Variants in PPARG observed in about 807,000 individuals in gnomAD.
PPARG encodes the protein peroxisome proliferator-activated receptor gamma.
A neutral mutation model predicts 39.2 loss-of-function variants in PPARG; 17 were observed. The ratio of observed to expected loss-of-function variants is 0.43; its 90% CI spans 0.30 to 0.65. The LOEUF (loss-of-function observed/expected upper bound fraction) is 0.65, where lower values mean the gene tolerates loss of function less well. Ranked by LOEUF, PPARG falls within the 30% of genes least tolerant of loss-of-function variation. The pLI, the probability that PPARG is intolerant of heterozygous loss-of-function variation, is 0.13. For missense variants in PPARG, 406 were observed against 585.9 expected (o/e 0.69, Z 3.17); for synonymous variants, 223 against 215.7 (o/e 1.03, Z -0.30).
intron 7 of PPARG, among the ~76,000 whole-genome samples, chr3:12,419,596 G>T (rs1414801736): frequency 4.0e-5 from 6 of 151,888 alleles, no homozygotes; most frequent in African/African-American, 1.5e-4. Context: ...AGCCTCCCTA[G>T]TAGCTGGGAT....
At chr3:12,422,970 A>T (rs960892712) in intron 7 of PPARG, among the ~76,000 whole-genome samples, 2 of 152,192 alleles carry the variant, frequency 1.3e-5, no homozygotes, top group African/African-American at 4.8e-5. Flanking sequence ...TCCTTAAGAC[A>T]CCATTTTAAT....
intron 7 of PPARG, among the ~76,000 whole-genome samples, chr3:12,420,373 G>C (rs1188022060): frequency 6.6e-6 from 1 of 152,222 alleles, no homozygotes; most frequent in Non-Finnish European, 1.5e-5. Context: ...CAGCTAAGCA[G>C]GAGGCTTTCA....
At chr3:12,410,799 A>G (rs1039570253) in intron 6 of PPARG, among the ~76,000 whole-genome samples, 2 of 152,228 alleles carry the variant, frequency 1.3e-5, no homozygotes, top group African/African-American at 4.8e-5. Flanking sequence ...AATGGCCATC[A>G]AACCCAGTGA....
At chr3:12,371,882 G>T in intron 2 of PPARG, 2 of 700,328 alleles carry the variant, frequency 2.9e-6, no homozygotes, top group Non-Finnish European at 5.3e-6. Context: ...TCTGGATGTC[G>T]CTGTCATGAT....
intron 2 of PPARG, among the ~76,000 whole-genome samples, chr3:12,336,904 C>T (rs113772222): frequency 6.6e-6 from 1 of 152,196 alleles, no homozygotes; most frequent in Admixed American, 6.5e-5. Flanking sequence ...GAATAGGGTA[C>T]TCTCCTGAAG....
At chr3:12,319,440 G>A (rs2047477892) in intron 2 of PPARG, among the ~76,000 whole-genome samples, 1 of 152,080 alleles carries the variant, frequency 6.6e-6, no homozygotes, top group Non-Finnish European at 1.5e-5. Context: ...TCGTAAAATT[G>A]AAGTACTTTT....
intron 7 of PPARG, among the ~76,000 whole-genome samples, chr3:12,425,460 A>G (rs1374789799): frequency 6.6e-6 from 1 of 152,034 alleles, no homozygotes; most frequent in Non-Finnish European, 1.5e-5. Flanking sequence ...GGGAGTAAGG[A>G]AGGGTAGGAG....
At chr3:12,429,934 T>G (rs1429907753) in intron 7 of PPARG, among the ~76,000 whole-genome samples, 1 of 152,192 alleles carries the variant, frequency 6.6e-6, no homozygotes, top group Non-Finnish European at 1.5e-5. Flanking sequence ...GTTCCAAAAT[T>G]GAATGCTGAA....
intron 1 of PPARG, among the ~76,000 whole-genome samples, chr3:12,305,439 T>G (rs1477530486): frequency 6.6e-6 from 1 of 152,252 alleles, no homozygotes; most frequent in Non-Finnish European, 1.5e-5. Context: ...GTCAGTAGAC[T>G]TTGACTCATA....
At chr3:12,422,900 A>G (rs1213947301) in intron 7 of PPARG, among the ~76,000 whole-genome samples, 2 of 152,002 alleles carry the variant, frequency 1.3e-5, no homozygotes. Flanking sequence ...AAAAGAAAAG[A>G]AAAAGAAAAA....
intron 7 of PPARG, among the ~76,000 whole-genome samples, chr3:12,426,252 A>G (rs1262690158): frequency 6.6e-6 from 1 of 152,260 alleles, no homozygotes; most frequent in Non-Finnish European, 1.5e-5. Flanking sequence ...GGCAAGTGTC[A>G]GAATGTTAAC....
At chr3:12,298,469 A>G (rs2046850533) in intron 1 of PPARG, among the ~76,000 whole-genome samples, 1 of 152,006 alleles carries the variant, frequency 6.6e-6, no homozygotes, top group South Asian at 2.1e-4. Context: ...TTTCTGTTGC[A>G]TTGTCCTAGA....
chr3:12,362,899 A>G (rs1324127882), intron 2 of PPARG, among the ~76,000 whole-genome samples: 1 of 152,068 alleles, frequency 6.6e-6, no homozygotes, highest in African/African-American at 2.4e-5. Context: ...ATTATGAGTG[A>G]ATGTTGAATT....
chr3:12,380,851 T>A (rs2049625186), intron 3 of PPARG, among the ~76,000 whole-genome samples: 1 of 152,172 alleles, frequency 6.6e-6, no homozygotes, highest in Non-Finnish European at 1.5e-5. Flanking sequence ...TTCATGCACC[T>A]CAAGCTAGGC....
chr3:12,303,531 T>C (rs1025823258), intron 1 of PPARG, among the ~76,000 whole-genome samples: 1 of 152,178 alleles, frequency 6.6e-6, no homozygotes, highest in Admixed American at 6.5e-5. Flanking sequence ...TCCTTTACAG[T>C]GTTCCACCCC....
chr3:12,362,391 C>T (rs564693423), intron 2 of PPARG, among the ~76,000 whole-genome samples: 1 of 151,930 alleles, frequency 6.6e-6, no homozygotes, highest in Non-Finnish European at 1.5e-5. Flanking sequence ...TGGTGGCATG[C>T]CCCTGTAATC....
chr3:12,300,999 C>G (rs561447383), intron 1 of PPARG, among the ~76,000 whole-genome samples: 2 of 152,272 alleles, frequency 1.3e-5, no homozygotes, highest in East Asian at 3.8e-4. Flanking sequence ...AGGGAATTTC[C>G]TAAACTACTC....
chr3:12,308,926 A>G (rs1300361353), intron 1 of PPARG, among the ~76,000 whole-genome samples: 5 of 152,196 alleles, frequency 3.3e-5, no homozygotes, highest in African/African-American at 1.2e-4. Flanking sequence ...ATAATAAAAA[A>G]TTAAAAACAT....
intron 2 of PPARG, among the ~76,000 whole-genome samples, chr3:12,360,650 G>A (rs1317094156): frequency 6.7e-6 from 1 of 148,752 alleles, no homozygotes; most frequent in Non-Finnish European, 1.5e-5. Flanking sequence ...TCATTGTTAA[G>A]TTTTGCCCAG....
Sources: gnomAD v4.1 joint callset for allele counts (sites outside exome capture counted in the v4.1 genomes callset) on GRCh38, gnomAD v4.1.1 for gene constraint, MANE v1.5 for transcripts, NCBI Gene and HGNC (gene_info 2026-07-23, HGNC 2026-07-21) for gene names.